GPC5: variants seen among roughly 807,000 people sequenced by gnomAD.
GPC5 encodes glypican 5, also known as glypican-5.
Under a neutral mutation model 53.9 loss-of-function variants are expected in GPC5, and 47 were observed. The observed-to-expected ratio is 0.87, with a 90% CI of 0.69 to 1.11. GPC5 has a LOEUF of 1.11. Among genes scored for constraint, GPC5 ranks in the 50% most tolerant of loss-of-function variants. The pLI, the probability that GPC5 is intolerant of heterozygous loss-of-function variation, is 0.00. For missense variants in GPC5, 748 were observed against 713.1 expected (o/e 1.05, Z -0.56); for synonymous variants, 286 against 263.3 (o/e 1.09, Z -0.84).
At chr13:91,887,065 G>C (rs2039331264) in intron 5 of GPC5, among the ~76,000 whole-genome samples, 2 of 152,070 alleles carry the variant, frequency 1.3e-5, no homozygotes, top group Non-Finnish European at 2.9e-5. Flanking sequence ...ATGAGCCCCT[G>C]TGCCCCCCAA....
At chr13:91,503,817 A>AATCATCATCATCATC (rs1230141661) in intron 2 of GPC5, among the ~76,000 whole-genome samples, 56 of 147,420 alleles carry the variant, frequency 3.8e-4, no homozygotes, top group African/African-American at 1.3e-3. Flanking sequence ...TAATAATAAT[A>AATCATCATCATCATC]ATCAGGCTGT....
chr13:92,170,667 C>G (rs781194339), intron 7 of GPC5, among the ~76,000 whole-genome samples: 4 of 151,918 alleles, frequency 2.6e-5, no homozygotes, highest in Non-Finnish European at 2.9e-5. Context: ...TCAGGTGATC[C>G]GCCTGCCTCA....
intron 7 of GPC5, among the ~76,000 whole-genome samples, chr13:92,539,757 A>G (rs1448065614): frequency 6.6e-6 from 1 of 151,664 alleles, no homozygotes; most frequent in Non-Finnish European, 1.5e-5. Context: ...TCACCTCTCT[A>G]TATGCACTTA....
At chr13:91,422,924 G>A (rs754619456) in intron 1 of GPC5, among the ~76,000 whole-genome samples, 1 of 152,198 alleles carries the variant, frequency 6.6e-6, no homozygotes, top group Admixed American at 6.5e-5. Context: ...AAGGCCTCAT[G>A]TCTTAATACT....
chr13:92,835,822 C>T (rs7994274), intron 7 of GPC5, among the ~76,000 whole-genome samples: 4,998 of 152,058 alleles, frequency 0.033, 292 homozygotes, highest in African/African-American at 0.11. Flanking sequence ...AGATCCATGA[C>T]ACCCCTCTTG....
intron 2 of GPC5, among the ~76,000 whole-genome samples, chr13:91,560,060 G>A (rs934345604): frequency 3.6e-5 from 3 of 84,302 alleles, no homozygotes; most frequent in Admixed American, 9.9e-5. Flanking sequence ...TCCAGATATA[G>A]GATGTTATCT....
intron 2 of GPC5, among the ~76,000 whole-genome samples, chr13:91,641,337 T>TCAAAA (rs1438878223): frequency 1.9e-4 from 29 of 151,608 alleles, no homozygotes; most frequent in Non-Finnish European, 2.9e-4. Context: ...CAAAAACAAA[T>TCAAAA]CAAAACAAAA....
chr13:92,438,009 A>G (rs1877385315), intron 7 of GPC5, among the ~76,000 whole-genome samples: 1 of 152,120 alleles, frequency 6.6e-6, no homozygotes, highest in Admixed American at 6.6e-5. Context: ...TATATACCAT[A>G]TAATTTAACA....
At chr13:91,748,000 A>G (rs1264969024) in intron 4 of GPC5, among the ~76,000 whole-genome samples, 2 of 152,096 alleles carry the variant, frequency 1.3e-5, no homozygotes, top group African/African-American at 4.8e-5. Flanking sequence ...CTTGCAGAAA[A>G]CCCAAATGCT....
rs150513762 is a variant in GPC5 at position 92,108,202 on chromosome 13, AATT to A, written c.1402-36625_1402-36623del. On this transcript the variant is annotated intron_variant, in intron 6 of 7. Transcript: ENST00000377067. ...CATTCTAAAACTCCACATCAACAAT[AATT>A]ATACATAGCAGTAAAGAATATTATA... is the stretch of plus-strand genomic sequence containing the variant. Among the ~76,000 whole-genome samples the A allele has an allele frequency of 1.8e-4, 28 of 152,270 alleles. No individual in the cohort carries two copies. In the East Asian group the frequency reaches 5.0e-3, roughly 27 times the overall value.
chr13:92,706,749 T>C (rs1887964945), intron 7 of GPC5, among the ~76,000 whole-genome samples: 1 of 152,166 alleles, frequency 6.6e-6, no homozygotes, highest in Non-Finnish European at 1.5e-5. Flanking sequence ...TCACATAGCC[T>C]ATTACAAATC....
chr13:92,393,440 A>G (rs1344744108), intron 7 of GPC5, among the ~76,000 whole-genome samples: 1 of 152,234 alleles, frequency 6.6e-6, no homozygotes, highest in Non-Finnish European at 1.5e-5. Flanking sequence ...ACCTGAGGAC[A>G]GGAGTTCAAG....
intron 7 of GPC5, among the ~76,000 whole-genome samples, chr13:92,182,610 G>A (rs567066173): frequency 3.3e-5 from 5 of 152,008 alleles, no homozygotes; most frequent in Non-Finnish European, 7.4e-5. Flanking sequence ...AGAAAATTCC[G>A]ATCGCCATAA....
intron 7 of GPC5, among the ~76,000 whole-genome samples, chr13:92,429,468 C>A (rs905693120): frequency 2.0e-5 from 3 of 151,604 alleles, no homozygotes; most frequent in East Asian, 1.9e-4. Flanking sequence ...AATAATATTT[C>A]TCTACATAAT....
intron 7 of GPC5, among the ~76,000 whole-genome samples, chr13:92,648,826 C>A (rs990044650): frequency 1.3e-5 from 2 of 152,074 alleles, no homozygotes; most frequent in Non-Finnish European, 2.9e-5. Context: ...CATTTTTTGA[C>A]AACAGAGTTA....
At chr13:92,326,156 A>T (rs2043249242) in intron 7 of GPC5, among the ~76,000 whole-genome samples, 1 of 152,126 alleles carries the variant, frequency 6.6e-6, no homozygotes, top group Admixed American at 6.6e-5. Context: ...CCCTGAGTGA[A>T]GAATAAAGCT....
chr13:92,132,976 A>T (rs1198879692), intron 6 of GPC5, among the ~76,000 whole-genome samples: 1 of 152,144 alleles, frequency 6.6e-6, no homozygotes, highest in African/African-American at 2.4e-5. Flanking sequence ...TATAAGACAC[A>T]TAAGAAATTT....
chr13:92,557,299 T>C (rs1882529788), intron 7 of GPC5, among the ~76,000 whole-genome samples: 3 of 151,976 alleles, frequency 2.0e-5, no homozygotes. Flanking sequence ...CATGTTGATG[T>C]GGTTAAAGTT....
At chr13:91,800,785 A>G (rs551118284) in intron 5 of GPC5, among the ~76,000 whole-genome samples, 1 of 152,070 alleles carries the variant, frequency 6.6e-6, no homozygotes, top group African/African-American at 2.4e-5. Context: ...TAGACATGGA[A>G]GTCTAGAGTC....
Sources: gnomAD v4.1 joint callset for allele counts (sites outside exome capture counted in the v4.1 genomes callset) on GRCh38, gnomAD v4.1.1 for gene constraint, MANE v1.5 for transcripts, NCBI Gene and HGNC (gene_info 2026-07-23, HGNC 2026-07-21) for gene names.